Variants in SEMA3A observed in about 807,000 individuals in gnomAD.
The protein encoded by SEMA3A is semaphorin-3A.
Under a neutral mutation model 97.9 loss-of-function variants are expected in SEMA3A, and 29 were observed. That is an observed-to-expected ratio of 0.30 (90% CI 0.22 to 0.40). The LOEUF is 0.40. SEMA3A is among the 10% of genes least tolerant of loss of function. SEMA3A has a pLI of 1.00. For missense variants in SEMA3A, 763 were observed against 951.3 expected (o/e 0.80, Z 2.60); for synonymous variants, 321 against 323.7 (o/e 0.99, Z 0.09).
At chr7:84,380,867 C>T (rs1468412970) in intron 1 of SEMA3A, among the ~76,000 whole-genome samples, 1 of 152,092 alleles carries the variant, frequency 6.6e-6, no homozygotes, top group African/African-American at 2.4e-5. Flanking sequence ...CAGTCATCTC[C>T]CTTTGACCAC....
At chr7:84,169,086 A>G (rs1797305585) in intron 1 of SEMA3A, among the ~76,000 whole-genome samples, 1 of 151,694 alleles carries the variant, frequency 6.6e-6, no homozygotes, top group African/African-American at 2.4e-5. Flanking sequence ...AATGCATACC[A>G]AGTGTTTCAA....
chr7:84,140,869 G>GA (rs1366842941), intron 1 of SEMA3A, among the ~76,000 whole-genome samples: 1 of 151,994 alleles, frequency 6.6e-6, no homozygotes, highest in Non-Finnish European at 1.5e-5. Context: ...CATTTCATTA[G>GA]AAAAAAGGGG....
chr7:84,110,784 T>C (rs761958062), intron 3 of SEMA3A, among the ~76,000 whole-genome samples, 195 bp from the exon 4 acceptor site: 1 of 152,074 alleles, frequency 6.6e-6, no homozygotes, highest in Admixed American at 6.6e-5. Flanking sequence ...CATTAAAATA[T>C]AGAGTTTCTT....
At chr7:84,425,316 T>C (rs1294146985) in intron 1 of SEMA3A, among the ~76,000 whole-genome samples, 2 of 112,416 alleles carry the variant, frequency 1.8e-5, no homozygotes, top group Non-Finnish European at 3.2e-5. Flanking sequence ...TATAATATAA[T>C]GATATAAATA....
chr7:84,205,988 A>G (rs941201987), intron 3 of SEMA3A, among the ~76,000 whole-genome samples: 2 of 152,210 alleles, frequency 1.3e-5, no homozygotes, highest in Non-Finnish European at 2.9e-5. Context: ...CTAGAGTGCC[A>G]GGATGAAAAT....
intron 1 of SEMA3A, among the ~76,000 whole-genome samples, chr7:84,425,533 T>TATATTTATATGAATATAAAC (rs1247547309): frequency 1.4e-5 from 2 of 144,542 alleles, no homozygotes; most frequent in African/African-American, 5.0e-5. Context: ...AGCATAAACG[T>TATATTTATATGAATATAAAC]ATATTTATAT....
chr7:84,047,585 C>G (rs1254001389), intron 5 of SEMA3A, among the ~76,000 whole-genome samples: 2 of 151,990 alleles, frequency 1.3e-5, no homozygotes, highest in East Asian at 1.9e-4. Flanking sequence ...CTTGTATTAT[C>G]TCTTCCAGAA....
chr7:84,296,429 A>G (rs988413301), intron 3 of SEMA3A, among the ~76,000 whole-genome samples: 6 of 152,172 alleles, frequency 3.9e-5, no homozygotes, highest in African/African-American at 1.2e-4. Context: ...TTTGTTTTAC[A>G]TATTATCCAG....
At chr7:84,459,774 T>A (rs567008605) in intron 1 of SEMA3A, among the ~76,000 whole-genome samples, 1 of 152,308 alleles carries the variant, frequency 6.6e-6, no homozygotes, top group South Asian at 2.1e-4. Flanking sequence ...ACACCTGTAA[T>A]CCCAGAACTC....
intron 3 of SEMA3A, among the ~76,000 whole-genome samples, chr7:84,275,700 A>G (rs1403867091): frequency 1.3e-5 from 2 of 152,038 alleles, no homozygotes; most frequent in East Asian, 1.9e-4. Context: ...TATAATAACC[A>G]TTAGCCACAT....
intron 6 of SEMA3A, among the ~76,000 whole-genome samples, chr7:84,015,019 A>G (rs974630770): frequency 6.6e-6 from 1 of 152,242 alleles, no homozygotes; most frequent in Non-Finnish European, 1.5e-5. Flanking sequence ...ATTAAAATAG[A>G]TTCCTAACTA....
chr7:84,060,331 G>A lies in SEMA3A; in HGVS notation c.547+134C>T, dbSNP rs1793162301. The A allele has an allele frequency of 2.1e-5, 13 of 621,314 alleles. No individual in the cohort carries two copies. In the South Asian group the frequency reaches 3.1e-4, roughly 15 times the overall value. The allele number at this position is 621,314 out of a possible 1,614,324, so 38.5% of individuals were successfully genotyped here. The stretch of plus-strand genomic sequence containing the variant: ...GTTTCTTCTTCATTTTCAAACATTT[G>A]AATATATCACAACTAATGTCCTTCT... On this transcript the variant is annotated intron_variant, in intron 5 of 16. Transcript: ENST00000265362.
At chr7:83,994,998 G>A (rs1022220753) in intron 12 of SEMA3A, among the ~76,000 whole-genome samples, 3 of 152,168 alleles carry the variant, frequency 2.0e-5, no homozygotes, top group Non-Finnish European at 4.4e-5. Context: ...TCCGAGCCAT[G>A]TGCGGGATAT....
intron 3 of SEMA3A, among the ~76,000 whole-genome samples, chr7:84,295,613 A>C (rs1278892607): frequency 6.6e-6 from 1 of 152,010 alleles, no homozygotes; most frequent in Admixed American, 6.6e-5. Context: ...TATGCAGAAC[A>C]ACCTATAAAA....
In SEMA3A at chr7:84,407,309, T is replaced by C. The variant is rs1031446855; in HGVS notation, c.-245-35409A>G. Among the ~76,000 whole-genome samples, 6 of 152,082 alleles carry C rather than the reference T, an allele frequency of 3.9e-5. No homozygotes were observed. In the South Asian group the frequency reaches 1.0e-3, roughly 26 times the overall value. On this transcript the variant is annotated intron_variant, in intron 1 of 3. Coordinates refer to the SEMA3A transcript ENST00000424555. Reference sequence around the variant, plus strand: ...CCATTCACAATTGCTTCAAAGAGAATACAATGCCTAGGAATACAACTTACA... The same window carrying C: ...CCATTCACAATTGCTTCAAAGAGAACACAATGCCTAGGAATACAACTTACA...
intron 3 of SEMA3A, among the ~76,000 whole-genome samples, chr7:84,119,961 C>T (rs1339349344): frequency 1.3e-5 from 2 of 151,892 alleles, no homozygotes; most frequent in Non-Finnish European, 2.9e-5. Flanking sequence ...TTAACCAATG[C>T]CAAATATTTT....
intron 2 of SEMA3A, among the ~76,000 whole-genome samples, chr7:84,314,234 T>A (rs984262137): frequency 6.6e-6 from 1 of 152,104 alleles, no homozygotes; most frequent in Admixed American, 6.6e-5. Context: ...TATCTAGTTT[T>A]GCAATTAGAT....
chr7:84,085,964 GT>G (rs1211519181), intron 4 of SEMA3A, among the ~76,000 whole-genome samples: 1 of 152,076 alleles, frequency 6.6e-6, no homozygotes. Context: ...TTTTGCCATT[GT>G]TGGACACATT....
At chr7:84,363,905 T>G (rs1195388207) in intron 2 of SEMA3A, among the ~76,000 whole-genome samples, 1 of 151,760 alleles carries the variant, frequency 6.6e-6, no homozygotes, top group Non-Finnish European at 1.5e-5. Context: ...CTCTTGTGAG[T>G]GTACTGTGCA....
Sources: gnomAD v4.1 joint callset for allele counts (sites outside exome capture counted in the v4.1 genomes callset) on GRCh38, gnomAD v4.1.1 for gene constraint, MANE v1.5 for transcripts, NCBI Gene and HGNC (gene_info 2026-07-23, HGNC 2026-07-21) for gene names.